The following VPS54 variants were observed in gnomAD, a reference collection of about 807,000 sequenced individuals.
The protein encoded by VPS54 is vacuolar protein sorting-associated protein 54.
A neutral mutation model predicts 121.5 loss-of-function variants in VPS54; 45 were observed. The ratio of observed to expected loss-of-function variants is 0.37; its 90% CI spans 0.29 to 0.47. The LOEUF (loss-of-function observed/expected upper bound fraction) is 0.47. Among genes scored for constraint, VPS54 ranks in the 20% least tolerant of loss-of-function variants. The pLI is 0.99. For synonymous variants in VPS54, 371 were observed against 385.8 expected, an observed-to-expected ratio of 0.96 and a Z score of 0.45; for missense variants, 1,090 against 1,131.4, an observed-to-expected ratio of 0.96 and a Z score of 0.52.
chr2:63,984,789 A>G (rs188073787), intron 1 of VPS54, among the ~76,000 whole-genome samples: 6 of 152,354 alleles, frequency 3.9e-5, no homozygotes, highest in African/African-American at 1.4e-4. Flanking sequence ...AGACAACATA[A>G]TACAGGCTAC....
chr2:63,972,476 T>C (rs533670335), intron 3 of VPS54, among the ~76,000 whole-genome samples: 5 of 152,314 alleles, frequency 3.3e-5, no homozygotes, highest in South Asian at 2.1e-4. Context: ...CATATAATTA[T>C]AGTAAAATCT....
chr2:63,954,295 A>T, intron 7 of VPS54, among the ~76,000 whole-genome samples: 1 of 152,154 alleles, frequency 6.6e-6, no homozygotes, highest in East Asian at 1.9e-4. Flanking sequence ...ACAAATGATA[A>T]TTCAATTTGA....
chr2:64,009,536 A>C (rs1422088942), intron 1 of VPS54, among the ~76,000 whole-genome samples: 1 of 152,068 alleles, frequency 6.6e-6, no homozygotes, highest in East Asian at 1.9e-4. Flanking sequence ...GGCTGGTCTC[A>C]AACTCCTGAC....
chr2:63,966,217 C>T (rs78608636), intron 5 of VPS54, among the ~76,000 whole-genome samples: 7,243 of 152,210 alleles, frequency 0.048, 236 homozygotes, highest in Non-Finnish European at 0.075. Context: ...CATTCTATTA[C>T]TACATGATCA....
At chr2:63,899,648 C>A in intron 20 of VPS54, 67 bp from the exon 21 acceptor site, 1 of 1,287,506 alleles carries the variant, frequency 7.8e-7, no homozygotes, top group East Asian at 2.3e-5. Flanking sequence ...CCACCATTCC[C>A]TGAGACATAT....
At chr2:63,915,425 C>A (rs1673338402) in intron 16 of VPS54, among the ~76,000 whole-genome samples, 2 of 152,050 alleles carry the variant, frequency 1.3e-5, no homozygotes, top group Admixed American at 1.3e-4. Context: ...CTTGTCAGAC[C>A]ATATATGCAT....
At chr2:64,007,488 C>T (rs1678216928) in intron 1 of VPS54, among the ~76,000 whole-genome samples, 1 of 152,128 alleles carries the variant, frequency 6.6e-6, no homozygotes, top group South Asian at 2.1e-4. Flanking sequence ...TGTCTTTTTG[C>T]CTCTACTTGA....
intron 11 of VPS54, among the ~76,000 whole-genome samples, chr2:63,940,557 C>T (rs886723760): frequency 6.6e-5 from 10 of 152,030 alleles, no homozygotes; most frequent in South Asian, 2.1e-4. Flanking sequence ...AGTGAAACCA[C>T]GTACAGCAGG....
intron 3 of VPS54, among the ~76,000 whole-genome samples, chr2:63,973,732 A>G (rs1415701640): frequency 6.6e-6 from 1 of 152,076 alleles, no homozygotes; most frequent in African/African-American, 2.4e-5. Context: ...TCTTGTACAG[A>G]TGGGTTCTCA....
Position 63,909,724 on chromosome 2 carries a change from G to GTTTTTT in VPS54, c.2625+2620_2625+2621insAAAAAA, listed in dbSNP as rs1673059093. Among the ~76,000 whole-genome samples, 4 of 102,142 alleles carry GTTTTTT rather than the reference G, an allele frequency of 3.9e-5. No individual in the cohort carries two copies. In the South Asian group the frequency reaches 9.0e-4, roughly 23 times the overall value. The allele number at this position is 102,142 out of a possible 152,430, so 67.0% of individuals were successfully genotyped here. On this transcript the variant is annotated intron_variant, in intron 20 of 22. Coordinates refer to ENST00000272322, the MANE Select transcript of VPS54 (RefSeq NM_016516.3). ...TAAGCGACCTCGCCTGGCCGTTTTT[G>GTTTTTT]GTTTTTTTTTTTTTTTTGAGACAGA...
At chr2:63,967,548 G>A (rs776800513) in intron 5 of VPS54, among the ~76,000 whole-genome samples, 26 of 151,458 alleles carry the variant, frequency 1.7e-4, no homozygotes, top group Non-Finnish European at 2.1e-4. Flanking sequence ...GCAAAACCCC[G>A]TCTCTTCTAA....
intron 7 of VPS54, among the ~76,000 whole-genome samples, chr2:63,949,687 T>C (rs945558067): frequency 5.9e-5 from 9 of 151,784 alleles, no homozygotes; most frequent in African/African-American, 1.9e-4. Context: ...AGAGGAGAGG[T>C]TGGTCTTGCT....
chr2:63,956,930 T>G (rs962730605), intron 7 of VPS54, among the ~76,000 whole-genome samples: 14 of 152,132 alleles, frequency 9.2e-5, no homozygotes, highest in Admixed American at 6.5e-4. Context: ...TCAAGGTAAC[T>G]AAAGATTTTC....
chr2:63,915,151 C>CAAAAAAAA (rs5831674), intron 16 of VPS54, among the ~76,000 whole-genome samples: 3 of 23,850 alleles, frequency 1.3e-4, no homozygotes, highest in African/African-American at 2.7e-4. Context: ...AGCTCCGTCT[C>CAAAAAAAA]AAAAAAAAAA....
rs149326010 is a variant in VPS54, at chr2:63,972,230, A to C, written c.393T>G (p.His131Gln). The C allele has an allele frequency of 1.9e-6, 3 of 1,591,696 alleles. No homozygotes were observed. Among genetic ancestry groups the C allele is most frequent in the Non-Finnish European group, 2.6e-6 (3 of 1,164,816 alleles). The change falls in exon 4 of 23, where the codon CAT becomes CAG. Residue 131 changes from histidine to glutamine, a missense_variant. This residue lies in a region of VPS54 where 801 missense variants were observed against 757.0 expected (regional missense o/e 1.06). Transcript: ENST00000272322. ...GAGGACAAATATTCTTGCATCTCTC[A>C]TGAATCTTCTCTCTCTAATAAAAAG... The part of the protein sequence containing the change: ...QQEISQREKI[H>Q]ERCKNICPPK...
chr2:64,002,842 G>C (rs1266943648), intron 1 of VPS54, among the ~76,000 whole-genome samples: 2 of 152,174 alleles, frequency 1.3e-5, no homozygotes, highest in Non-Finnish European at 2.9e-5. Flanking sequence ...TGCCTATAAA[G>C]ATGAGTCCCA....
At chr2:63,926,715 G>A in intron 12 of VPS54, among the ~76,000 whole-genome samples, 1 of 152,186 alleles carries the variant, frequency 6.6e-6, no homozygotes, top group Admixed American at 6.5e-5. Flanking sequence ...AGGGGTCGGG[G>A]GATTTCCCTT....
intron 7 of VPS54, among the ~76,000 whole-genome samples, chr2:63,955,933 G>C (rs972570934): frequency 4.6e-5 from 7 of 152,082 alleles, no homozygotes; most frequent in African/African-American, 1.2e-4. Context: ...GTAATTTAGA[G>C]TGGTGAATCT....
intron 1 of VPS54, among the ~76,000 whole-genome samples, chr2:63,996,978 T>C (rs62136429): frequency 0.073 from 11,077 of 152,246 alleles, 850 homozygotes; most frequent in African/African-American, 0.2. Context: ...GCTGGTTTTA[T>C]GGCTCGGGGG....
Sources: gnomAD v4.1 joint callset for allele counts (sites outside exome capture counted in the v4.1 genomes callset) on GRCh38, gnomAD v4.1.1 for gene constraint, gnomAD v4.1.1 regional missense constraint, MANE v1.5 for transcripts, NCBI Gene and HGNC (gene_info 2026-07-23, HGNC 2026-07-21) for gene names.